The following CTNNA3 variants were observed in gnomAD, a reference collection of about 807,000 sequenced individuals.
The protein encoded by CTNNA3 is catenin alpha-3.
Under a neutral mutation model 95.7 loss-of-function variants are expected in CTNNA3, and 76 were observed. The observed-to-expected ratio is 0.79, with a 90% CI of 0.66 to 0.96. The LOEUF (loss-of-function observed/expected upper bound fraction) is 0.96, where lower values mean the gene tolerates loss of function less well. Among genes scored for constraint, CTNNA3 ranks in the 40% least tolerant of loss-of-function variants. The pLI is 0.00. For synonymous variants in CTNNA3, 431 were observed against 374.4 expected (o/e 1.15, Z -1.74); for missense variants, 1,191 against 1,089.8 (o/e 1.09, Z -1.31).
intron 16 of CTNNA3, among the ~76,000 whole-genome samples, chr10:65,979,181 C>G (rs1363193032): frequency 6.6e-6 from 1 of 152,042 alleles, no homozygotes; most frequent in Non-Finnish European, 1.5e-5. Flanking sequence ...TTTTTATTTT[C>G]AACTTGGTTT....
At chr10:67,566,704 A>G (rs1459592959) in intron 3 of CTNNA3, among the ~76,000 whole-genome samples, 1 of 152,046 alleles carries the variant, frequency 6.6e-6, no homozygotes, top group Non-Finnish European at 1.5e-5. Flanking sequence ...TCATGCTGCT[A>G]TAAAGACACA....
intron 3 of CTNNA3, among the ~76,000 whole-genome samples, chr10:67,562,387 C>T (rs866600669): frequency 2.0e-5 from 3 of 152,220 alleles, no homozygotes; most frequent in Middle Eastern, 6.8e-3. Flanking sequence ...AAAGACAAAA[C>T]CACATGATTA....
intron 12 of CTNNA3, among the ~76,000 whole-genome samples, chr10:66,292,076 T>TAC (rs112723652): frequency 0.46 from 68,755 of 149,260 alleles, 15,978 homozygotes; most frequent in African/African-American, 0.55. Context: ...CATATACAGA[T>TAC]ACACACACAC....
intron 11 of CTNNA3, among the ~76,000 whole-genome samples, chr10:66,447,540 T>C (rs1457876294): frequency 4.0e-5 from 6 of 151,792 alleles, no homozygotes; most frequent in Non-Finnish European, 5.9e-5. Flanking sequence ...AACCCTCTGA[T>C]CTTTGACAAA....
At chr10:66,201,848 G>T (rs1296527539) in intron 13 of CTNNA3, among the ~76,000 whole-genome samples, 4 of 141,308 alleles carry the variant, frequency 2.8e-5, no homozygotes, top group African/African-American at 1.1e-4. Context: ...GAGTGCAGTG[G>T]TGTGATCTCG....
At chr10:66,650,023 C>T (rs1299756433) in intron 9 of CTNNA3, among the ~76,000 whole-genome samples, 1 of 152,216 alleles carries the variant, frequency 6.6e-6, no homozygotes, top group East Asian at 1.9e-4. Flanking sequence ...TCAAATATCC[C>T]ACTTTCAGCA....
chr10:66,219,809 C>A (rs1564779356), intron 13 of CTNNA3, among the ~76,000 whole-genome samples: 1 of 152,082 alleles, frequency 6.6e-6, no homozygotes. Context: ...CAATAGGAAA[C>A]TACTACTGTG....
At chr10:66,171,009 T>C (rs1000825164) in intron 13 of CTNNA3, among the ~76,000 whole-genome samples, 6 of 151,982 alleles carry the variant, frequency 3.9e-5, no homozygotes, top group Non-Finnish European at 8.8e-5. Flanking sequence ...GGCAGGCACC[T>C]ATAATCCCAG....
At chr10:67,340,436 T>C (rs2132611917) in intron 5 of CTNNA3, among the ~76,000 whole-genome samples, 1 of 152,358 alleles carries the variant, frequency 6.6e-6, no homozygotes, top group East Asian at 1.9e-4. Context: ...AAACTGCCCA[T>C]GCAGTGTCTA....
At chr10:67,375,473 C>T (rs541878440) in intron 5 of CTNNA3, among the ~76,000 whole-genome samples, 13 of 152,082 alleles carry the variant, frequency 8.5e-5, no homozygotes, top group African/African-American at 1.4e-4. Context: ...CCTAGCTGGG[C>T]GTGATGGCAT....
At chr10:66,374,880 G>C (rs2092783816) in intron 12 of CTNNA3, among the ~76,000 whole-genome samples, 1 of 151,998 alleles carries the variant, frequency 6.6e-6, no homozygotes, top group Non-Finnish European at 1.5e-5. Context: ...CTCCAAAAGT[G>C]CTGGGATTAC....
intron 1 of CTNNA3, among the ~76,000 whole-genome samples, chr10:67,721,216 TG>T (rs1225572928): frequency 6.6e-6 from 1 of 152,208 alleles, no homozygotes; most frequent in East Asian, 1.9e-4. Flanking sequence ...CTTGCTAGGC[TG>T]GGGAAGTTCT....
At chr10:67,414,097 T>C (rs560079405) in intron 5 of CTNNA3, among the ~76,000 whole-genome samples, 1 of 152,088 alleles carries the variant, frequency 6.6e-6, no homozygotes, top group Admixed American at 6.5e-5. Context: ...AAGAAGATCT[T>C]AATGAAATTG....
chr10:66,054,745 C>T (rs1025905784), intron 15 of CTNNA3, among the ~76,000 whole-genome samples: 7 of 151,998 alleles, frequency 4.6e-5, no homozygotes, highest in African/African-American at 1.7e-4. Flanking sequence ...CCCATTTGTC[C>T]ATTTATTTTC....
intron 6 of CTNNA3, 21 bp downstream of exon 6, chr10:67,219,586 T>C (rs766373864): frequency 3.1e-6 from 5 of 1,604,146 alleles, no homozygotes; most frequent in Non-Finnish European, 4.3e-6. Context: ...CAGATCACAC[T>C]TTATCTTTCT....
In CTNNA3 at chr10:65,920,075, C is replaced by A. The variant is rs185258162; in HGVS notation, c.*255G>T. On this transcript the variant is annotated 3_prime_UTR_variant, in exon 18 of 18. Transcript: ENST00000433211. Reference sequence around the variant, plus strand: ...AGTAGATAATCTCTATGATGGGAAACGCTGAATGACACGTGATAATTTCAT... The same window carrying A: ...AGTAGATAATCTCTATGATGGGAAAAGCTGAATGACACGTGATAATTTCAT... 1.4e-4 allele frequency: 69 copies of A among 489,522 alleles called. 1 individual carries two copies. In the Middle Eastern group the frequency reaches 2.2e-3, roughly 16 times the overall value. 30.3% of individuals were successfully genotyped at this position (489,522 alleles called of 1,614,324 possible). A position where few individuals can be genotyped will look rare whatever the true frequency, so the allele number is the denominator to read the frequency against.
At chr10:65,998,558 C>T (rs2078711249) in intron 15 of CTNNA3, among the ~76,000 whole-genome samples, 1 of 152,004 alleles carries the variant, frequency 6.6e-6, no homozygotes, top group African/African-American at 2.4e-5. Flanking sequence ...AGAAACAGCT[C>T]ACTAAAGCAA....
chr10:66,676,108 A>AAC (rs58800149), intron 9 of CTNNA3, among the ~76,000 whole-genome samples: 2,843 of 150,446 alleles, frequency 0.019, 74 homozygotes, highest in African/African-American at 0.056. Context: ...AAACCTTTAA[A>AAC]ACACACACAC....
intron 11 of CTNNA3, among the ~76,000 whole-genome samples, chr10:66,395,601 C>T (rs189620713): frequency 1.1e-4 from 17 of 152,040 alleles, no homozygotes; most frequent in African/African-American, 4.1e-4. Flanking sequence ...CCTCAGATTT[C>T]CAAAAAGTCT....
Sources: allele counts gnomAD v4.1 joint callset (sites outside exome capture counted in the v4.1 genomes callset), GRCh38; gene constraint gnomAD v4.1.1; transcripts MANE v1.5; gene names NCBI Gene and HGNC (gene_info 2026-07-23, HGNC 2026-07-21).